Variants in DMXL1 observed in about 807,000 individuals in gnomAD.
The protein encoded by DMXL1 is Dmx like 1.
Under a neutral mutation model 319.2 loss-of-function variants are expected in DMXL1, and 99 were observed. The ratio of observed to expected loss-of-function variants is 0.31; its 90% CI spans 0.26 to 0.37. DMXL1 has a LOEUF of 0.37. Among genes scored for constraint, DMXL1 ranks in the 10% least tolerant of loss-of-function variants. The pLI is 1.00. For synonymous variants in DMXL1, 1,385 were observed against 1,235.2 expected (o/e 1.12, Z -2.54); for missense variants, 3,745 against 3,595.6 (o/e 1.04, Z -1.06).
intron 1 of DMXL1, among the ~76,000 whole-genome samples, chr5:119,076,715 T>G (rs1383449847): frequency 6.6e-6 from 1 of 152,194 alleles, no homozygotes; most frequent in African/African-American, 2.4e-5. Context: ...AAGGAATTCT[T>G]TGGGGGTGTT....
chr5:119,130,384 C>T (rs1764592735), intron 10 of DMXL1, among the ~76,000 whole-genome samples: 1 of 151,830 alleles, frequency 6.6e-6, no homozygotes, highest in African/African-American at 2.4e-5. Context: ...GCTCTGTCAC[C>T]CAGGCTGGAG....
At chr5:119,090,681 G>C (rs1159547983) in intron 1 of DMXL1, among the ~76,000 whole-genome samples, 1 of 150,802 alleles carries the variant, frequency 6.6e-6, no homozygotes. Flanking sequence ...TCCTGCCTCA[G>C]CCTCCCAAGT....
Position 119,247,274 on chromosome 5 carries a change from A to G in DMXL1, c.*55A>G, listed in dbSNP as rs2150777788. 3 of 1,236,774 alleles carry G rather than the reference A, an allele frequency of 2.4e-6. No homozygotes were observed. The highest frequency in any genetic ancestry group is 4.0e-4 in the Middle Eastern group (2 of 5,010). 76.6% of individuals were successfully genotyped at this position (1,236,774 alleles called of 1,614,324 possible). A position where few individuals can be genotyped will look rare whatever the true frequency, so the allele number is the denominator to read the frequency against. On this transcript the variant is annotated 3_prime_UTR_variant, in exon 44 of 44. Transcript: ENST00000539542. ...ACCTATATGGAAGTGGCCAACAGAT[A>G]TAATATACAGTGATCATTCTCTATG... is the stretch of plus-strand genomic sequence containing the variant.
intron 25 of DMXL1, among the ~76,000 whole-genome samples, chr5:119,173,351 CAA>C (rs1251810129): frequency 2.9e-3 from 226 of 76,678 alleles, no homozygotes; most frequent in African/African-American, 7.7e-3. Context: ...CACCCCCCGC[CAA>C]AAAAAAAAAA....
chr5:119,072,306 A>C (rs941191336), intron 1 of DMXL1, among the ~76,000 whole-genome samples: 1 of 152,162 alleles, frequency 6.6e-6, no homozygotes, highest in African/African-American at 2.4e-5. Context: ...AGAAGAGGGC[A>C]CCAAATTTCG....
intron 40 of DMXL1, 162 bp from the exon 41 acceptor site, chr5:119,238,827 C>G (rs1788228267): frequency 3.2e-6 from 3 of 945,920 alleles, no homozygotes; most frequent in Non-Finnish European, 3.8e-6. Context: ...TATGAAAGTT[C>G]TCTGTATTAC....
intron 9 of DMXL1, chr5:119,128,032 C>T (rs759227327): frequency 3.6e-4 from 153 of 425,876 alleles, no homozygotes; most frequent in Non-Finnish European, 6.4e-4. Context: ...CATGATTCTC[C>T]ATTTAGGTGG....
At position 119,197,739 on chromosome 5, in the gene DMXL1, A is replaced by C; in HGVS notation, c.7544-16A>C. ...TTACTGCATAAGATTAATATGAGTC[A>C]ATGTTCCCATTTTAGAGCTTCCAGT... On this transcript the variant is annotated splice_polypyrimidine_tract_variant and intron_variant, in intron 31 of 43. Coordinates refer to ENST00000539542, the MANE Select transcript of DMXL1 (RefSeq NM_001290321.3). The C allele has an allele frequency of 6.2e-7, 1 of 1,612,230 alleles. No homozygotes were observed.
chr5:119,120,898 G>C (rs978634780), intron 8 of DMXL1, 73 bp from the exon 9 acceptor site: 1 of 1,213,958 alleles, frequency 8.2e-7, no homozygotes, highest in African/African-American at 1.5e-5. Context: ...TGTAACTTCT[G>C]ACAATCATTA....
At chr5:119,200,492 C>T (rs75907933) in intron 32 of DMXL1, among the ~76,000 whole-genome samples, 2,027 of 152,112 alleles carry the variant, frequency 0.013, 23 homozygotes, top group Middle Eastern at 0.065. Flanking sequence ...TAGCATACAT[C>T]GAAATCAGGT....
At chr5:119,087,796 C>G (rs1753706880) in intron 1 of DMXL1, among the ~76,000 whole-genome samples, 1 of 151,634 alleles carries the variant, frequency 6.6e-6, no homozygotes, top group South Asian at 2.1e-4. Context: ...TTCATGTTTG[C>G]TTTATTTTTA....
chr5:119,224,846 G>A (rs1785248812), intron 38 of DMXL1, 77 bp downstream of exon 38: 3 of 612,560 alleles, frequency 4.9e-6, no homozygotes, highest in African/African-American at 1.9e-5. Flanking sequence ...TAAGAAATGT[G>A]TGGGAACCTT....
chr5:119,175,121 GA>G, intron 25 of DMXL1, 139 bp from the exon 26 acceptor site: 8 of 524,112 alleles, frequency 1.5e-5, no homozygotes, highest in Admixed American at 3.5e-5. Context: ...GAGTGTTGTA[GA>G]AAAAAAGGAA....
chr5:119,205,462 G>A (rs1183309475), intron 33 of DMXL1, among the ~76,000 whole-genome samples: 3 of 151,798 alleles, frequency 2.0e-5, no homozygotes, highest in African/African-American at 7.3e-5. Flanking sequence ...TTTTAATCAG[G>A]AGCATGAATA....
intron 19 of DMXL1, among the ~76,000 whole-genome samples, chr5:119,159,921 G>A (rs1365214487): frequency 1.3e-5 from 2 of 152,206 alleles, no homozygotes; most frequent in Non-Finnish European, 2.9e-5. Flanking sequence ...ACTGCGCCTA[G>A]CCTTTCTTTT....
chr5:119,198,269 G>GTGAGCCACCGCACCTGCCC (rs1780022680), intron 32 of DMXL1, among the ~76,000 whole-genome samples: 1 of 152,166 alleles, frequency 6.6e-6, no homozygotes, highest in Non-Finnish European at 1.5e-5. Flanking sequence ...GATTACAGGC[G>GTGAGCCACCGCACCTGCCC]TGAGCCACCG....
Position 119,203,299 on chromosome 5 carries a change from T to A in DMXL1, c.7746-20T>A. The A allele has an allele frequency of 2.0e-6, 3 of 1,471,838 alleles. No individual in the cohort carries two copies. The highest frequency in any genetic ancestry group is 2.7e-6 in the Non-Finnish European group (3 of 1,093,854). The allele number at this position is 1,471,838 out of a possible 1,614,324, so 91.2% of individuals were successfully genotyped here. On this transcript the variant is annotated intron_variant, in intron 32 of 43. Coordinates refer to ENST00000539542, the MANE Select transcript of DMXL1 (RefSeq NM_001290321.3). ...GAAATTTCTGAAGTTTATCATTAAA[T>A]TTGCTGTCTCTCTCTGTAGATCCAA... is the stretch of plus-strand genomic sequence containing the variant.
chr5:119,236,260 C>T (rs1260901533), intron 39 of DMXL1: 3 of 151,900 alleles, frequency 2.0e-5, no homozygotes, highest in Non-Finnish European at 4.4e-5. Context: ...AGAAAAATGG[C>T]TGTATCAATT....
Position 119,119,032 on chromosome 5 carries a change from A to G in DMXL1, c.933+28A>G, listed in dbSNP as rs549335030. Reference sequence around the variant, plus strand: ...GAGTGTTTTTGTTACATTACTTACTACAAGTTTTAAAACCTTTGGTACATT... The same window carrying G: ...GAGTGTTTTTGTTACATTACTTACTGCAAGTTTTAAAACCTTTGGTACATT... On this transcript the variant is annotated intron_variant, in intron 8 of 43. Transcript: ENST00000539542. The G allele has an allele frequency of 1.4e-5, 21 of 1,531,848 alleles. No individual in the cohort carries two copies. The African/African-American group carries it at 1.9e-4, about 14-fold the overall frequency. 94.9% of individuals were successfully genotyped at this position (1,531,848 alleles called of 1,614,324 possible).
Sources: gnomAD v4.1 joint callset for allele counts (sites outside exome capture counted in the v4.1 genomes callset) on GRCh38, gnomAD v4.1.1 for gene constraint, MANE v1.5 for transcripts, NCBI Gene and HGNC (gene_info 2026-07-23, HGNC 2026-07-21) for gene names.